The following BTBD8 variants were observed in gnomAD, a reference collection of about 807,000 sequenced individuals.
BTBD8 encodes the protein BTB domain containing 8, also known as BTB/POZ domain-containing protein 8.
A neutral mutation model predicts 162.9 loss-of-function variants in BTBD8; 110 were observed. The ratio of observed to expected loss-of-function variants is 0.68; its 90% CI spans 0.58 to 0.79. The LOEUF is 0.79. Ranked by LOEUF, BTBD8 falls within the 30% of genes least tolerant of loss-of-function variation. BTBD8 has a pLI of 0.00. For synonymous variants in BTBD8, 667 were observed against 716.1 expected (o/e 0.93, Z 1.10); for missense variants, 1,905 against 2,085.4 (o/e 0.91, Z 1.68).
chr1:92,153,566 C>T (rs183567880), intron 9 of BTBD8, among the ~76,000 whole-genome samples: 32 of 152,302 alleles, frequency 2.1e-4, no homozygotes, highest in African/African-American at 7.0e-4. Flanking sequence ...ATTCCATTCT[C>T]TGATTCTATG....
chr1:92,094,919 T>C (rs1648406438), intron 2 of BTBD8, among the ~76,000 whole-genome samples: 1 of 152,256 alleles, frequency 6.6e-6, no homozygotes, highest in Non-Finnish European at 1.5e-5. Flanking sequence ...CTGCAAGCTT[T>C]CTCTGGCGGT....
At position 92,168,776 on chromosome 1, in the gene BTBD8, C is replaced by T. The variant is rs572926529; in HGVS notation, c.1444-90C>T. ...CTAAATGATGACATCATTGATCTAG[C>T]TTAGGAGTAAGTAGATTCTGAAAGG... On this transcript the variant is annotated intron_variant, in intron 11 of 17. Coordinates refer to ENST00000636805, the MANE Select transcript of BTBD8 (RefSeq NM_001376131.1). 6.2e-4 allele frequency: 770 copies of T among 1,237,104 alleles called. 2 individuals are homozygous for T. The African/African-American group carries it at 0.011, about 17-fold the overall frequency. The allele number at this position is 1,237,104 out of a possible 1,614,324, so 76.6% of individuals were successfully genotyped here.
chr1:92,170,729 C>T (rs1014462214), intron 12 of BTBD8, among the ~76,000 whole-genome samples: 41 of 152,214 alleles, frequency 2.7e-4, no homozygotes, highest in African/African-American at 7.9e-4. Flanking sequence ...TTGTAGCTCT[C>T]ATATAATTAT....
chr1:92,095,430 C>G (rs1648421080), intron 2 of BTBD8, among the ~76,000 whole-genome samples: 1 of 152,200 alleles, frequency 6.6e-6, no homozygotes, highest in Non-Finnish European at 1.5e-5. Context: ...GTGCCCCCTC[C>G]TCTTGTAAAT....
chr1:92,109,674 G>C (rs1280324806), intron 4 of BTBD8, among the ~76,000 whole-genome samples: 1 of 152,072 alleles, frequency 6.6e-6, no homozygotes, highest in Non-Finnish European at 1.5e-5. Flanking sequence ...TACCTTCCTA[G>C]TCCAGACTCA....
chr1:92,177,752 C>G, intron 14 of BTBD8, 59 bp from the exon 15 acceptor site: 1 of 1,034,068 alleles, frequency 9.7e-7, no homozygotes, highest in Non-Finnish European at 1.5e-6. Context: ...AGTAAACTTA[C>G]ACGTTTGTTA....
chr1:92,174,013 G>T (rs1415380820), intron 13 of BTBD8, among the ~76,000 whole-genome samples: 1 of 152,116 alleles, frequency 6.6e-6, no homozygotes, highest in African/African-American at 2.4e-5. Context: ...TAAGAAGAAT[G>T]CTTAGTACCA....
chr1:92,109,810 C>G (rs558818841), intron 4 of BTBD8, among the ~76,000 whole-genome samples: 2 of 152,138 alleles, frequency 1.3e-5, no homozygotes, highest in Non-Finnish European at 1.5e-5. Context: ...ACTTCTTGTT[C>G]TAGATGATCA....
At chr1:92,126,566 T>C (rs1465690193) in intron 4 of BTBD8, 6 of 443,364 alleles carry the variant, frequency 1.4e-5, no homozygotes, top group Non-Finnish European at 2.7e-5. Context: ...GACACTGGCA[T>C]CACAGCTTCT....
At chr1:92,131,897 G>T (rs965009213) in intron 5 of BTBD8, among the ~76,000 whole-genome samples, 2 of 152,062 alleles carry the variant, frequency 1.3e-5, no homozygotes, top group African/African-American at 4.8e-5. Context: ...TTTAGTAGAG[G>T]TGAGGTCTCA....
chr1:92,119,835 C>G (rs1186834758), intron 4 of BTBD8, among the ~76,000 whole-genome samples: 2 of 149,158 alleles, frequency 1.3e-5, no homozygotes, highest in African/African-American at 4.9e-5. Flanking sequence ...TCTCGATTTC[C>G]CGACTTCATG....
intron 13 of BTBD8, among the ~76,000 whole-genome samples, chr1:92,175,477 C>CAAAAAAAAAAAAAAAAAAAAA (rs71091265): frequency 1.3e-4 from 5 of 37,456 alleles, no homozygotes; most frequent in African/African-American, 4.9e-4. Flanking sequence ...GACTCCATCT[C>CAAAAAAAAAAAAAAAAAAAAA]AAAAAAAAAA....
intron 3 of BTBD8, among the ~76,000 whole-genome samples, chr1:92,107,137 C>T (rs1325974051): frequency 6.6e-6 from 1 of 151,930 alleles, no homozygotes; most frequent in Non-Finnish European, 1.5e-5. Context: ...CCTGATAACA[C>T]AGGTCATAGT....
rs182563310 is a variant in BTBD8, at chr1:92,080,422, T to C, written c.-150T>C. 672 of 1,193,344 alleles carry C rather than the reference T, an allele frequency of 5.6e-4. 3 individuals carry two copies. In the African/African-American group the frequency reaches 9.2e-3, roughly 16 times the overall value. 73.9% of individuals were successfully genotyped at this position (1,193,344 alleles called of 1,614,324 possible). A position where few individuals can be genotyped will look rare whatever the true frequency, so the allele number is the denominator to read the frequency against. On this transcript the variant is annotated 5_prime_UTR_variant, in exon 1 of 18. Transcript: ENST00000636805. ...GGTCCGGCTTCTCTGGGAGACTGTC[T>C]ACAAACCGACGAGAGGCGTCAACCT... is the stretch of plus-strand genomic sequence containing the variant.
chr1:92,176,598 A>G (rs925589933), intron 13 of BTBD8, among the ~76,000 whole-genome samples: 26 of 152,058 alleles, frequency 1.7e-4, no homozygotes, highest in African/African-American at 6.0e-4. Flanking sequence ...ACTTTAATAG[A>G]TAGAATAGCA....
At chr1:92,125,370 A>G in intron 4 of BTBD8, 1 of 228,270 alleles carries the variant, frequency 4.4e-6, no homozygotes, top group Non-Finnish European at 8.8e-6. Context: ...CTCTACCTCC[A>G]GAAGCACAAC....
intron 12 of BTBD8, among the ~76,000 whole-genome samples, chr1:92,169,864 A>G (rs772937866): frequency 3.9e-5 from 6 of 152,190 alleles, no homozygotes; most frequent in Non-Finnish European, 7.4e-5. Context: ...TAGTGTAGCT[A>G]GATGTGATAT....
intron 9 of BTBD8, among the ~76,000 whole-genome samples, chr1:92,151,468 T>C (rs1456612236): frequency 6.6e-6 from 1 of 152,210 alleles, no homozygotes; most frequent in Non-Finnish European, 1.5e-5. Flanking sequence ...TAACAAATTA[T>C]TGGCCCAGCT....
intron 4 of BTBD8, among the ~76,000 whole-genome samples, chr1:92,116,867 TTTTA>T (rs1403814571): frequency 6.6e-6 from 1 of 151,432 alleles, no homozygotes; most frequent in Non-Finnish European, 1.5e-5. Flanking sequence ...CTTTTTTTTT[TTTTA>T]TTGGATCACT....
Sources: gnomAD v4.1 joint callset for allele counts (sites outside exome capture counted in the v4.1 genomes callset) on GRCh38, gnomAD v4.1.1 for gene constraint, MANE v1.5 for transcripts, NCBI Gene and HGNC (gene_info 2026-07-23, HGNC 2026-07-21) for gene names.